FAT3: variants seen among roughly 807,000 people sequenced by gnomAD.
FAT3 encodes the protein protocadherin Fat 3.
In FAT3, 95 loss-of-function variants were observed where a neutral mutation model predicts 310.2. That is an observed-to-expected ratio of 0.31 (90% CI 0.26 to 0.36). The LOEUF (loss-of-function observed/expected upper bound fraction) is 0.36. Ranked by LOEUF, FAT3 falls within the 10% of genes least tolerant of loss-of-function variation. The pLI is 1.00. For missense variants in FAT3, 5,408 were observed against 5,715.6 expected (o/e 0.95, Z 1.74); for synonymous variants, 2,314 against 2,192.9 (o/e 1.06, Z -1.54).
chr11:92,682,183 A>G (rs1266756239), intron 3 of FAT3, among the ~76,000 whole-genome samples: 1 of 152,188 alleles, frequency 6.6e-6, no homozygotes, highest in East Asian at 1.9e-4. Flanking sequence ...CTCCTCAACT[A>G]CAAAATGGGG....
At chr11:92,698,728 A>C (rs1270036040) in intron 4 of FAT3, among the ~76,000 whole-genome samples, 1 of 152,210 alleles carries the variant, frequency 6.6e-6, no homozygotes, top group East Asian at 1.9e-4. Flanking sequence ...TCCTTTTAAC[A>C]GGATGCAGTA....
intron 14 of FAT3, among the ~76,000 whole-genome samples, chr11:92,833,288 A>G (rs1948314797): frequency 6.6e-6 from 1 of 152,164 alleles, no homozygotes. Flanking sequence ...TGAGTCTCTC[A>G]CCTTCCAGCC....
intron 13 of FAT3, among the ~76,000 whole-genome samples, chr11:92,827,254 T>C (rs1242174697): frequency 1.3e-5 from 2 of 152,198 alleles, no homozygotes; most frequent in Non-Finnish European, 2.9e-5. Context: ...TTCTAATAGC[T>C]TGTCATGATC....
rs772758100 is a variant in FAT3 at position 92,800,056 on chromosome 11, C to T, written c.7043C>T (p.Thr2348Ile). Residue 2348 changes from threonine to isoleucine, a missense_variant, in exon 10 of 28, where the codon ACA becomes ATA. Transcript: ENST00000525166. Reference protein sequence around the residue: ...HIDSSSGLILTARMLDHELVQ... With the variant: ...HIDSSSGLILIARMLDHELVQ... ...GATAGCTCAAGTGGCTTAATCCTGA[C>T]AGCACGAATGCTGGACCATGAGTTA... 2 of 1,613,962 alleles carry T rather than the reference C, an allele frequency of 1.2e-6. No individual in the cohort carries two copies. Among genetic ancestry groups the T allele is most frequent in the Non-Finnish European group, 1.7e-6 (2 of 1,179,862 alleles).
chr11:92,767,438 G>T (rs577024734), intron 6 of FAT3, among the ~76,000 whole-genome samples: 4 of 152,022 alleles, frequency 2.6e-5, no homozygotes, highest in African/African-American at 9.7e-5. Context: ...TCTCTCCCTG[G>T]CATGATCCAT....
chr11:92,632,626 G>T (rs1206049681), intron 3 of FAT3, among the ~76,000 whole-genome samples: 2 of 152,228 alleles, frequency 1.3e-5, no homozygotes, highest in Non-Finnish European at 2.9e-5. Context: ...TGAAAGGAGA[G>T]GAGTTAAGAA....
At chr11:92,598,232 T>A (rs12418674) in intron 3 of FAT3, among the ~76,000 whole-genome samples, 2,819 of 59,986 alleles carry the variant, frequency 0.047, 50 homozygotes, top group Admixed American at 0.1. Flanking sequence ...ATATATATAT[T>A]TTTTTTTTTT....
chr11:92,743,256 C>G (rs2213062), intron 4 of FAT3, among the ~76,000 whole-genome samples: 87,754 of 152,030 alleles, frequency 0.58, 26,924 homozygotes, highest in African/African-American at 0.8. Context: ...CACCTTGTGG[C>G]CTTGGTGTTC....
At chr11:92,859,982 C>T (rs548629756) in intron 21 of FAT3, among the ~76,000 whole-genome samples, 1 of 152,278 alleles carries the variant, frequency 6.6e-6, no homozygotes, top group Non-Finnish European at 1.5e-5. Flanking sequence ...AGGTGCATCA[C>T]ATGAGGTCAG....
At chr11:92,487,091 A>C (rs1023446160) in intron 2 of FAT3, among the ~76,000 whole-genome samples, 3 of 152,138 alleles carry the variant, frequency 2.0e-5, no homozygotes, top group African/African-American at 7.2e-5. Flanking sequence ...GTTCCTCCAG[A>C]ATGGGGTCCC....
intron 2 of FAT3, among the ~76,000 whole-genome samples, chr11:92,387,151 A>T (rs957367098): frequency 1.3e-5 from 2 of 151,522 alleles, no homozygotes; most frequent in Non-Finnish European, 2.9e-5. Context: ...TTCCACAAGG[A>T]GGTCCAGTTG....
At chr11:92,440,150 T>G (rs1454122850) in intron 2 of FAT3, among the ~76,000 whole-genome samples, 2 of 151,920 alleles carry the variant, frequency 1.3e-5, no homozygotes, top group Admixed American at 6.6e-5. Context: ...GTATTGGAGA[T>G]CTACAGGATG....
chr11:92,635,157 T>C (rs1941715209), intron 3 of FAT3, among the ~76,000 whole-genome samples: 2 of 152,170 alleles, frequency 1.3e-5, no homozygotes, highest in Admixed American at 1.3e-4. Flanking sequence ...TCTGGGGCAG[T>C]CCTTGTGCTG....
intron 19 of FAT3, among the ~76,000 whole-genome samples, chr11:92,854,728 T>C (rs906180338): frequency 2.0e-5 from 3 of 152,090 alleles, no homozygotes; most frequent in South Asian, 2.1e-4. Context: ...TATCTGGCCC[T>C]TTTTTCCCCC....
chr11:92,659,695 A>T (rs904659526), intron 3 of FAT3, among the ~76,000 whole-genome samples: 13 of 152,158 alleles, frequency 8.5e-5, no homozygotes, highest in Non-Finnish European at 1.5e-4. Flanking sequence ...ATAAAAGAAA[A>T]AGGGTGAGAA....
intron 3 of FAT3, among the ~76,000 whole-genome samples, chr11:92,561,936 A>G (rs966310353): frequency 3.6e-4 from 55 of 152,236 alleles, no homozygotes; most frequent in African/African-American, 1.3e-3. Context: ...TACCATTTGG[A>G]TAATTTTAAA....
At chr11:92,772,107 C>A (rs1946475176) in intron 6 of FAT3, among the ~76,000 whole-genome samples, 1 of 152,084 alleles carries the variant, frequency 6.6e-6, no homozygotes, top group Non-Finnish European at 1.5e-5. Context: ...AAATGATCAA[C>A]ATTAGAGGAT....
At chr11:92,230,708 T>C (rs10830890) in intron 1 of FAT3, among the ~76,000 whole-genome samples, 69,827 of 152,168 alleles carry the variant, frequency 0.46, 16,450 homozygotes, top group Non-Finnish European at 0.52. Flanking sequence ...ATATATCCAT[T>C]GCTTCTGCTT....
intron 2 of FAT3, among the ~76,000 whole-genome samples, chr11:92,369,448 C>A (rs933163859): frequency 2.0e-5 from 3 of 152,144 alleles, no homozygotes; most frequent in African/African-American, 7.2e-5. Flanking sequence ...AACCAACAGA[C>A]AAATGTTGCA....
Sources: gnomAD v4.1 joint callset for allele counts (sites outside exome capture counted in the v4.1 genomes callset) on GRCh38, gnomAD v4.1.1 for gene constraint, MANE v1.5 for transcripts, NCBI Gene and HGNC (gene_info 2026-07-23, HGNC 2026-07-21) for gene names.